Variants in RIMS1 observed in about 807,000 individuals in gnomAD.
RIMS1 encodes regulating synaptic membrane exocytosis 1.
A neutral mutation model predicts 214.1 loss-of-function variants in RIMS1; 83 were observed. The ratio of observed to expected loss-of-function variants is 0.39; its 90% CI spans 0.32 to 0.47. RIMS1 has a LOEUF of 0.47. Among genes scored for constraint, RIMS1 ranks in the 20% least tolerant of loss-of-function variants. The pLI, the probability that RIMS1 is intolerant of heterozygous loss-of-function variation, is 0.99. For synonymous variants in RIMS1, 793 were observed against 786.8 expected (o/e 1.01, Z -0.13); for missense variants, 2,050 against 2,161.8 (o/e 0.95, Z 1.03).
At chr6:72,147,169 A>T (rs957806913) in intron 4 of RIMS1, among the ~76,000 whole-genome samples, 3 of 152,240 alleles carry the variant, frequency 2.0e-5, no homozygotes, top group Non-Finnish European at 4.4e-5. Flanking sequence ...TTAAAGTCAT[A>T]TGAATTAAAA....
At chr6:72,249,494 T>C (rs2072015996) in intron 12 of RIMS1, among the ~76,000 whole-genome samples, 1 of 152,162 alleles carries the variant, frequency 6.6e-6, no homozygotes, top group South Asian at 2.1e-4. Flanking sequence ...AATAGTTTAA[T>C]TCTAAAAATT....
intron 2 of RIMS1, among the ~76,000 whole-genome samples, chr6:72,010,007 G>A (rs1437315184): frequency 6.6e-6 from 1 of 152,052 alleles, no homozygotes; most frequent in African/African-American, 2.4e-5. Flanking sequence ...CCAAAACCTG[G>A]CAGAGACACA....
intron 4 of RIMS1, among the ~76,000 whole-genome samples, chr6:72,107,908 G>C (rs935893589): frequency 2.0e-5 from 3 of 152,082 alleles, no homozygotes; most frequent in African/African-American, 7.2e-5. Context: ...TGATCACAAG[G>C]CCTAATTCCT....
intron 4 of RIMS1, among the ~76,000 whole-genome samples, chr6:72,167,120 G>T (rs925305700): frequency 6.6e-6 from 1 of 151,642 alleles, no homozygotes; most frequent in African/African-American, 2.4e-5. Flanking sequence ...TGTCTAGTTT[G>T]TTGAGCATTT....
Position 72,072,915 on chromosome 6 carries a change from TAGAC to T in RIMS1, c.246-24030_246-24027del, listed in dbSNP as rs1389834618. On this transcript the variant is annotated intron_variant, in intron 2 of 33. Transcript: ENST00000521978. Reference sequence around the variant, plus strand: ...CTTGGGATATTATCAGTGAGCAAAATAGACAGAGCCCTCATGCAGAGCAGAATGT... The same window carrying T: ...CTTGGGATATTATCAGTGAGCAAAATAGAGCCCTCATGCAGAGCAGAATGT... 3.9e-5 allele frequency among the ~76,000 whole-genome samples: 6 copies of T among 152,302 alleles called. No homozygotes were observed. In the South Asian group the frequency reaches 1.2e-3, roughly 32 times the overall value.
intron 1 of RIMS1, among the ~76,000 whole-genome samples, chr6:71,949,158 G>A (rs1188559523): frequency 6.6e-6 from 1 of 152,132 alleles, no homozygotes; most frequent in Admixed American, 6.6e-5. Context: ...CAATATGCTA[G>A]TGCAGATTCA....
At chr6:72,095,424 C>T (rs1238473265) in intron 2 of RIMS1, among the ~76,000 whole-genome samples, 3 of 152,068 alleles carry the variant, frequency 2.0e-5, no homozygotes, top group Non-Finnish European at 4.4e-5. Flanking sequence ...AATAACTCTT[C>T]GATAAATTGA....
At chr6:71,889,841 T>G (rs978059001) in intron 1 of RIMS1, among the ~76,000 whole-genome samples, 1 of 152,220 alleles carries the variant, frequency 6.6e-6, no homozygotes, top group Non-Finnish European at 1.5e-5. Flanking sequence ...CAGAGAAAAG[T>G]TTTTGTGGTA....
intron 2 of RIMS1, among the ~76,000 whole-genome samples, chr6:71,987,297 G>T (rs561388447): frequency 4.6e-5 from 7 of 152,322 alleles, no homozygotes; most frequent in African/African-American, 1.7e-4. Flanking sequence ...AGTTCTGGAG[G>T]CTGAAAGTCT....
intron 4 of RIMS1, among the ~76,000 whole-genome samples, chr6:72,124,932 T>G (rs1672146690): frequency 6.6e-6 from 1 of 152,168 alleles, no homozygotes; most frequent in African/African-American, 2.4e-5. Flanking sequence ...ACATCCTCCT[T>G]TAGCTCGAAG....
intron 6 of RIMS1, among the ~76,000 whole-genome samples, chr6:72,188,754 T>C (rs2049555055): frequency 6.6e-6 from 1 of 152,216 alleles, no homozygotes; most frequent in African/African-American, 2.4e-5. Context: ...TGGGCTGTTG[T>C]AGTTTTCCAT....
chr6:72,006,655 A>G (rs137998703), intron 2 of RIMS1, among the ~76,000 whole-genome samples: 2,408 of 152,186 alleles, frequency 0.016, 34 homozygotes, highest in Non-Finnish European at 0.024. Context: ...TGGTCTTAGC[A>G]AACGGCACAC....
rs70994114 is a variant in RIMS1 at position 72,200,857 on chromosome 6, TTGTGTGTGTGTGTG to T, written c.1678+17737_1678+17750del. 9.6e-5 allele frequency among the ~76,000 whole-genome samples: 14 copies of T among 146,254 alleles called. No individual in the cohort carries two copies. In the South Asian group the frequency reaches 1.1e-3, roughly 12 times the overall value. ...TTGAGAAGAGATTGAAAGGACACAA[TTGTGTGTGTGTGTG>T]TGTGTGTGTGTGTGTGTGTGTGTGT... On this transcript the variant is annotated intron_variant, in intron 6 of 33. Transcript: ENST00000521978.
At chr6:72,272,751 A>T (rs1422200412) in intron 22 of RIMS1, among the ~76,000 whole-genome samples, 1 of 152,144 alleles carries the variant, frequency 6.6e-6, no homozygotes, top group African/African-American at 2.4e-5. Context: ...TACTAAGTCT[A>T]TATTTATGTT....
intron 1 of RIMS1, among the ~76,000 whole-genome samples, chr6:71,934,801 C>T (rs535497953): frequency 3.6e-4 from 55 of 152,264 alleles, no homozygotes; most frequent in African/African-American, 1.2e-3. Context: ...TGAAGCACAC[C>T]TGTGCGATTA....
intron 2 of RIMS1, among the ~76,000 whole-genome samples, chr6:72,006,634 C>G (rs546228503): frequency 6.6e-6 from 1 of 152,188 alleles, no homozygotes; most frequent in Non-Finnish European, 1.5e-5. Context: ...CCTAACACTG[C>G]GCTTTTCCAA....
At chr6:72,107,254 C>T (rs1291545844) in intron 4 of RIMS1, among the ~76,000 whole-genome samples, 1 of 152,124 alleles carries the variant, frequency 6.6e-6, no homozygotes, top group African/African-American at 2.4e-5. Flanking sequence ...ACATAAAATC[C>T]TGGTGGATAA....
intron 29 of RIMS1, among the ~76,000 whole-genome samples, chr6:72,344,761 T>C (rs572367054): frequency 2.0e-5 from 3 of 151,904 alleles, no homozygotes; most frequent in African/African-American, 7.2e-5. Context: ...TAACTCATCT[T>C]CTAAAGAGAT....
chr6:72,095,684 T>C lies in RIMS1; in HGVS notation c.246-1265T>C, dbSNP rs2031355267. On this transcript the variant is annotated intron_variant, in intron 2 of 33. Transcript: ENST00000521978. ...AGAGCTATTAAGGTTAAAAAGAAAA[T>C]ATAATGAAGTCTCAATACCTCAAAC... 2.6e-5 allele frequency among the ~76,000 whole-genome samples: 4 copies of C among 152,172 alleles called. No individual in the cohort carries two copies. The South Asian group carries it at 8.3e-4, about 32-fold the overall frequency.
Sources: gnomAD v4.1 joint callset for allele counts (sites outside exome capture counted in the v4.1 genomes callset) on GRCh38, gnomAD v4.1.1 for gene constraint, MANE v1.5 for transcripts, NCBI Gene and HGNC (gene_info 2026-07-23, HGNC 2026-07-21) for gene names.